ZNF287: variants seen among roughly 807,000 people sequenced by gnomAD.
ZNF287 encodes the protein zinc finger protein with KRAB and SCAN domains 13.
ZNF287 carries 31 observed loss-of-function variants against 73.7 expected under a neutral mutation model. The ratio of observed to expected loss-of-function variants is 0.42; its 90% CI spans 0.32 to 0.57. The LOEUF is 0.57. Ranked by LOEUF, ZNF287 falls within the 20% of genes least tolerant of loss-of-function variation. The pLI is 0.13. For synonymous variants in ZNF287, 301 were observed against 307.2 expected (o/e 0.98, Z 0.21); for missense variants, 641 against 909.3 (o/e 0.70, Z 3.79).
chr17:16,554,842 C>T (rs1053484686), intron 5 of ZNF287, among the ~76,000 whole-genome samples: 1 of 152,176 alleles, frequency 6.6e-6, no homozygotes, highest in Non-Finnish European at 1.5e-5. Flanking sequence ...ATTGCTTGAA[C>T]CCAGTAGGCG....
Position 16,552,606 on chromosome 17 carries a change from T to G in ZNF287, c.1536A>C (p.Glu512Asp). ...TACTCTGACTGAAAGTCTTCCCACA[T>G]TCATTGCATATATAAGGTTTTTCTC... ...HTGEKPYICN[E>D]CGKTFSQSTH... Residue 512 changes from glutamate (E) to aspartate (D), a missense_variant, in exon 6 of 6, where the codon GAA (glutamate) becomes GAC (aspartate). Coordinates refer to ENST00000395825, the MANE Select transcript of ZNF287 (RefSeq NM_020653.4). This position sits in a 1 kb window ranked among gnomAD's most constrained non-coding sequence, Gnocchi z 6.5. 6.2e-7 allele frequency: 1 copy of G among 1,614,150 alleles called. No individual in the cohort carries two copies. Among genetic ancestry groups the G allele is most frequent in the Non-Finnish European group, 8.5e-7 (1 of 1,179,998 alleles).
rs1906412498 is a variant in ZNF287 at position 16,548,432 on chromosome 17, A to G, written c.*3424T>C. Among the ~76,000 whole-genome samples, 1 of 152,206 alleles carries G rather than the reference A, an allele frequency of 6.6e-6. No homozygotes were observed. The highest frequency in any genetic ancestry group is 2.4e-5 in the African/African-American group (1 of 41,444). On this transcript the variant is annotated 3_prime_UTR_variant, in exon 6 of 6. Transcript: ENST00000395825. ...TGGAAACTACAGGGGGTACCGGAAC[A>G]ACCCACATGTAAATAATCAGTTGAA... is the stretch of plus-strand genomic sequence containing the variant.
At chr17:16,555,986 G>C (rs1304210152) in intron 5 of ZNF287, among the ~76,000 whole-genome samples, 1 of 152,056 alleles carries the variant, frequency 6.6e-6, no homozygotes, top group African/African-American at 2.4e-5. Flanking sequence ...TACATCATCA[G>C]TAAGAGACTA....
chr17:16,566,466 G>T, intron 3 of ZNF287, 59 bp downstream of exon 3: 1 of 1,458,602 alleles, frequency 6.9e-7, no homozygotes, highest in Non-Finnish European at 9.5e-7. Context: ...GGCCAGGTCA[G>T]AAAATGTCCT....
intron 5 of ZNF287, among the ~76,000 whole-genome samples, chr17:16,556,675 T>C (rs1907095172): frequency 6.6e-6 from 1 of 152,156 alleles, no homozygotes; most frequent in South Asian, 2.1e-4. Flanking sequence ...CAAGTAGGTG[T>C]GTATATACAC....
In ZNF287 at chr17:16,550,678, G is replaced by A. The variant is rs891607203; in HGVS notation, c.*1178C>T. On this transcript the variant is annotated 3_prime_UTR_variant, in exon 6 of 6. Coordinates refer to ENST00000395825, the MANE Select transcript of ZNF287 (RefSeq NM_020653.4). Reference sequence around the variant, plus strand: ...TTGTGTAAACCACCTGTGATTTTCAGCACTGTAACAAGCTTGAGAGGATCC... The same window carrying A: ...TTGTGTAAACCACCTGTGATTTTCAACACTGTAACAAGCTTGAGAGGATCC... 5.9e-5 allele frequency among the ~76,000 whole-genome samples: 9 copies of A among 152,248 alleles called. No homozygotes were observed. The highest frequency in any genetic ancestry group is 2.2e-4 in the African/African-American group (9 of 41,546).
Position 16,552,246 on chromosome 17 carries a change from A to T in ZNF287, c.1896T>A (p.Ser632Arg). Residue 632 changes from serine to arginine, a missense_variant, in exon 6 of 6, where the codon AGT becomes AGA. Ser to Arg is a moderately radical substitution (Grantham distance 110). Around this residue, in one of 2 missense-constraint regions of ZNF287, gnomAD observed 284 missense variants for 466.8 expected, o/e 0.61. Coordinates refer to ENST00000395825, the MANE Select transcript of ZNF287 (RefSeq NM_020653.4). This position sits in a 1 kb window ranked among gnomAD's most constrained non-coding sequence, Gnocchi z 6.5. ...CSVCGKAFSQ[S>R]VHLTQHQRIH... Reference sequence around the variant, plus strand: ...TCCTCTGATGTTGAGTAAGGTGCACACTCTGGCTGAATGCTTTCCCACACA... The same window carrying T: ...TCCTCTGATGTTGAGTAAGGTGCACTCTCTGGCTGAATGCTTTCCCACACA... 1 of 1,613,518 alleles carries T rather than the reference A, an allele frequency of 6.2e-7. No individual in the cohort carries two copies.
At position 16,548,717 on chromosome 17, in the gene ZNF287, G is replaced by A. The variant is rs989152479; in HGVS notation, c.*3139C>T. Among the ~76,000 whole-genome samples the A allele has an allele frequency of 5.3e-5, 8 of 152,070 alleles. No homozygotes were observed. The highest frequency in any genetic ancestry group is 4.4e-5 in the Non-Finnish European group (3 of 68,010). ...CGGGAGGCTGAGGCAGGAGAATGGC[G>A]TGAACCTGGGAGGCGGACCTTGCAG... is the stretch of plus-strand genomic sequence containing the variant. On this transcript the variant is annotated 3_prime_UTR_variant, in exon 6 of 6. Coordinates refer to ENST00000395825, the MANE Select transcript of ZNF287 (RefSeq NM_020653.4).
intron 1 of ZNF287, 153 bp downstream of exon 1, chr17:16,568,799 C>CCGTGCGA (rs1193385282): frequency 6.6e-6 from 1 of 152,332 alleles, no homozygotes; most frequent in African/African-American, 2.4e-5. Context: ...GAGTCGGGGA[C>CCGTGCGA]CGTGCGACGC....
At chr17:16,566,235 C>T (rs917162941) in intron 3 of ZNF287, among the ~76,000 whole-genome samples, 6 of 151,852 alleles carry the variant, frequency 4.0e-5, no homozygotes, top group South Asian at 2.1e-4. Context: ...ATGGTAGAGC[C>T]GGGAAACAAA....
At chr17:16,562,555 G>C (rs528091019) in intron 5 of ZNF287, among the ~76,000 whole-genome samples, 1 of 152,256 alleles carries the variant, frequency 6.6e-6, no homozygotes, top group South Asian at 2.1e-4. Flanking sequence ...TTGACATGCT[G>C]TTATGACAGC....
chr17:16,562,997 A>C (rs1488397255), intron 5 of ZNF287, 149 bp downstream of exon 5: 6 of 606,248 alleles, frequency 9.9e-6, no homozygotes, highest in Non-Finnish European at 1.7e-5. Context: ...AGGCCTCTGT[A>C]AGGAAGCAAT....
rs200269430 is a variant in ZNF287, at chr17:16,552,260, C to T, written c.1882G>A (p.Ala628Thr). ...GTAAGGTGCACACTCTGGCTGAATG[C>T]TTTCCCACACACACTGCATTTATAT... Reference protein sequence around the residue: ...KPYKCSVCGKAFSQSVHLTQH... With the variant: ...KPYKCSVCGKTFSQSVHLTQH... The change falls in exon 6 of 6, where the codon GCA becomes ACA. Residue 628 changes from alanine (A) to threonine (T), a missense_variant. Physicochemically the swap from Ala to Thr is moderately conservative, Grantham distance 58. This residue lies in a region of ZNF287 where 284 missense variants were observed against 466.8 expected (regional missense o/e 0.61). Transcript: ENST00000395825. The surrounding 1 kb of genome is among the most constrained non-coding windows in gnomAD (Gnocchi z 6.5). The T allele has an allele frequency of 7.4e-6, 12 of 1,613,862 alleles. No homozygotes were observed. The highest frequency in any genetic ancestry group is 1.7e-5 in the Admixed American group (1 of 59,994).
chr17:16,566,501 A>G, intron 3 of ZNF287, 24 bp downstream of exon 3: 1 of 1,599,452 alleles, frequency 6.3e-7, no homozygotes, highest in Non-Finnish European at 8.5e-7. Flanking sequence ...GCATTTTAAA[A>G]TCAGAAAAGA....
intron 1 of ZNF287, 67 bp from the exon 2 acceptor site, chr17:16,567,996 CAG>C: frequency 1.6e-6 from 2 of 1,264,036 alleles, no homozygotes; most frequent in East Asian, 6.7e-5. Context: ...TATACACACA[CAG>C]AAACAGACTC....
At chr17:16,567,038 G>A (rs1907788228) in intron 2 of ZNF287, among the ~76,000 whole-genome samples, 1 of 152,094 alleles carries the variant, frequency 6.6e-6, no homozygotes, top group South Asian at 2.1e-4. Context: ...CTCACACAGT[G>A]GTAATTTGGT....
chr17:16,549,220 A>G lies in ZNF287; in HGVS notation c.*2636T>C, dbSNP rs1354114162. On this transcript the variant is annotated 3_prime_UTR_variant, in exon 6 of 6. Transcript: ENST00000395825. ...AAAACTGTTGAATAATTTGCGGGTC[A>G]GACAACTGTAAAAGTGGGAAAAATA... 6.6e-6 allele frequency among the ~76,000 whole-genome samples: 1 copy of G among 152,258 alleles called. No individual in the cohort carries two copies. Among genetic ancestry groups the G allele is most frequent in the Non-Finnish European group, 1.5e-5 (1 of 68,040 alleles).
rs1348150190 is a variant in ZNF287, at chr17:16,549,089, A to G, written c.*2767T>C. Among the ~76,000 whole-genome samples the G allele has an allele frequency of 6.6e-6, 1 of 152,206 alleles. No homozygotes were observed. The highest frequency in any genetic ancestry group is 1.5e-5 in the Non-Finnish European group (1 of 68,026). ...GTTAAAAAAAATACGGCAGAATGTT[A>G]GTTTTTAAATTTAGGTGGGTATATA... On this transcript the variant is annotated 3_prime_UTR_variant, in exon 6 of 6. Transcript: ENST00000395825.
At chr17:16,562,628 T>C (rs1169732227) in intron 5 of ZNF287, among the ~76,000 whole-genome samples, 1 of 152,000 alleles carries the variant, frequency 6.6e-6, no homozygotes, top group African/African-American at 2.4e-5. Flanking sequence ...CATTTATATA[T>C]ATTTATATAT....
Sources: allele counts gnomAD v4.1 joint callset (sites outside exome capture counted in the v4.1 genomes callset), GRCh38; gene constraint gnomAD v4.1.1; regional missense constraint gnomAD v4.1.1; non-coding constraint Gnocchi (gnomAD v3.1); transcripts MANE v1.5; gene names NCBI Gene and HGNC (gene_info 2026-07-23, HGNC 2026-07-21).